Variants in PDIA5 observed in about 807,000 individuals in gnomAD.
The protein encoded by PDIA5 is protein disulfide-isomerase A5.
PDIA5 carries 58 observed loss-of-function variants against 77.6 expected under a neutral mutation model. The observed-to-expected ratio is 0.75, with a 90% CI of 0.61 to 0.93. The LOEUF is 0.93. PDIA5 is among the 40% of genes least tolerant of loss of function. The pLI is 0.00. For missense variants in PDIA5, 630 were observed against 647.7 expected, an observed-to-expected ratio of 0.97 and a Z score of 0.30; for synonymous variants, 250 against 252.1, an observed-to-expected ratio of 0.99 and a Z score of 0.08.
At chr3:123,160,582 C>T (rs1936136464) in intron 15 of PDIA5, among the ~76,000 whole-genome samples, 1 of 152,202 alleles carries the variant, frequency 6.6e-6, no homozygotes, top group African/African-American at 2.4e-5. Context: ...CCTCACATCA[C>T]ATCATGTTGG....
chr3:123,092,588 C>T, intron 3 of PDIA5, 146 bp downstream of exon 3: 1 of 660,632 alleles, frequency 1.5e-6, no homozygotes, highest in Non-Finnish European at 2.7e-6. Context: ...ACTTCGAGGT[C>T]ACCTCTGGAC....
intron 5 of PDIA5, 101 bp downstream of exon 5, chr3:123,102,897 A>C: frequency 1.3e-6 from 1 of 764,228 alleles, no homozygotes; most frequent in South Asian, 1.4e-5. Flanking sequence ...GATTGCACAA[A>C]TAGCTCTTCT....
chr3:123,072,351 CA>C (rs1665737154), intron 1 of PDIA5, among the ~76,000 whole-genome samples: 1 of 152,196 alleles, frequency 6.6e-6, no homozygotes, highest in Admixed American at 6.5e-5. Flanking sequence ...ATACAGGAAG[CA>C]CCCAACACAG....
chr3:123,102,841 G>A, intron 5 of PDIA5, 45 bp downstream of exon 5: 1 of 1,298,600 alleles, frequency 7.7e-7, no homozygotes, highest in Non-Finnish European at 1.1e-6. Flanking sequence ...AGTCTAAATG[G>A]ACGCCCAAAG....
intron 1 of PDIA5, among the ~76,000 whole-genome samples, chr3:123,085,390 G>GT: frequency 6.6e-6 from 1 of 152,270 alleles, no homozygotes; most frequent in East Asian, 1.9e-4. Flanking sequence ...CCCAGTGATG[G>GT]TTTTCAAGCA....
chr3:123,159,535 T>A (rs865991528), intron 15 of PDIA5, among the ~76,000 whole-genome samples: 1 of 152,184 alleles, frequency 6.6e-6, no homozygotes, highest in African/African-American at 2.4e-5. Flanking sequence ...TGCCATCAAG[T>A]CTTCTGACTT....
At chr3:123,136,840 A>C (rs1935516625) in intron 11 of PDIA5, among the ~76,000 whole-genome samples, 1 of 151,668 alleles carries the variant, frequency 6.6e-6, no homozygotes, top group South Asian at 2.1e-4. Context: ...ACTTGTCAAT[A>C]GGTCTCGAAG....
intron 1 of PDIA5, among the ~76,000 whole-genome samples, chr3:123,068,900 A>T (rs1176835021): frequency 6.6e-6 from 1 of 152,224 alleles, no homozygotes; most frequent in African/African-American, 2.4e-5. Context: ...AAGGGAGGTC[A>T]GCCATGGCTT....
At chr3:123,093,135 A>T (rs746974467) in intron 3 of PDIA5, among the ~76,000 whole-genome samples, 1 of 152,172 alleles carries the variant, frequency 6.6e-6, no homozygotes, top group Non-Finnish European at 1.5e-5. Flanking sequence ...ACTGATTTAT[A>T]AGTTGATGAC....
intron 6 of PDIA5, among the ~76,000 whole-genome samples, chr3:123,107,345 T>G (rs1934760675): frequency 6.6e-6 from 1 of 151,994 alleles, no homozygotes; most frequent in Admixed American, 6.6e-5. Context: ...GGGGTGGAGG[T>G]AGAAGGGTAG....
At chr3:123,092,216 G>A (rs1934307788) in intron 2 of PDIA5, 139 bp from the exon 3 acceptor site, 1 of 659,028 alleles carries the variant, frequency 1.5e-6, no homozygotes, top group Non-Finnish European at 2.7e-6. Flanking sequence ...ATGCAGGGAT[G>A]GGTGTTTTAC....
chr3:123,118,070 A>C (rs1935034425), intron 8 of PDIA5, among the ~76,000 whole-genome samples: 1 of 152,202 alleles, frequency 6.6e-6, no homozygotes, highest in South Asian at 2.1e-4. Context: ...TCAACTTAAA[A>C]AGTTTAAGTG....
At chr3:123,158,949 T>C (rs2107996583) in intron 15 of PDIA5, among the ~76,000 whole-genome samples, 1 of 152,314 alleles carries the variant, frequency 6.6e-6, no homozygotes, top group African/African-American at 2.4e-5. Context: ...ATTTGTCTCT[T>C]CTTCTGTGGA....
chr3:123,112,208 C>T (rs1031392971), intron 7 of PDIA5, among the ~76,000 whole-genome samples: 6 of 152,216 alleles, frequency 3.9e-5, no homozygotes, highest in Admixed American at 2.0e-4. Flanking sequence ...ATCGGCCCTT[C>T]ACGAAGCCAG....
At position 123,110,886 on chromosome 3, in the gene PDIA5, G is replaced by C. The variant is rs969271453; in HGVS notation, c.481-58G>C. ...TGTATGCAGGAGGGGCGGGGAGGGG[G>C]TCTCATCCTGTTACTGTGTTGTGTG... is the stretch of plus-strand genomic sequence containing the variant. On this transcript the variant is annotated intron_variant, in intron 6 of 16. Transcript: ENST00000316218. The C allele has an allele frequency of 3.7e-6, 5 of 1,358,266 alleles. No individual in the cohort carries two copies. In the East Asian group the frequency reaches 1.1e-4, roughly 31 times the overall value. The allele number at this position is 1,358,266 out of a possible 1,614,324, so 84.1% of individuals were successfully genotyped here.
intron 1 of PDIA5, among the ~76,000 whole-genome samples, chr3:123,073,948 A>C (rs1011997448): frequency 6.6e-6 from 1 of 152,214 alleles, no homozygotes; most frequent in African/African-American, 2.4e-5. Context: ...ATCTGAGCCC[A>C]GATGTGGGCC....
chr3:123,111,100 C>T, intron 7 of PDIA5, 96 bp downstream of exon 7: 1 of 835,248 alleles, frequency 1.2e-6, no homozygotes, highest in Non-Finnish European at 2.0e-6. Context: ...GGGGGATTAG[C>T]CTGGGTGCCT....
At chr3:123,120,572 T>C (rs888581088) in intron 8 of PDIA5, among the ~76,000 whole-genome samples, 8 of 152,232 alleles carry the variant, frequency 5.3e-5, no homozygotes, top group African/African-American at 1.4e-4. Context: ...ACAGTCTACC[T>C]TCCAGTGACC....
chr3:123,114,631 C>T (rs1375263138), intron 7 of PDIA5, among the ~76,000 whole-genome samples: 1 of 152,248 alleles, frequency 6.6e-6, no homozygotes, highest in East Asian at 1.9e-4. Context: ...GTGCATTTCC[C>T]CCTGAGCGTT....
Sources: gnomAD v4.1 joint callset for allele counts (sites outside exome capture counted in the v4.1 genomes callset) on GRCh38, gnomAD v4.1.1 for gene constraint, MANE v1.5 for transcripts, NCBI Gene and HGNC (gene_info 2026-07-23, HGNC 2026-07-21) for gene names.